TRIP12: variants seen among roughly 807,000 people sequenced by gnomAD.
TRIP12 encodes E3 ubiquitin-protein ligase TRIP12.
In TRIP12, 25 loss-of-function variants were observed where a neutral mutation model predicts 244.2. The observed-to-expected ratio is 0.10, with a 90% CI of 0.07 to 0.14. TRIP12 has a LOEUF of 0.14. TRIP12 is among the 10% of genes least tolerant of loss of function. The pLI is 1.00. For synonymous variants in TRIP12, 905 were observed against 873.1 expected (o/e 1.04, Z -0.64); for missense variants, 1,677 against 2,486.4 (o/e 0.67, Z 6.92).
At chr2:229,865,294 T>C (rs911100195) in intron 2 of TRIP12, among the ~76,000 whole-genome samples, 11 of 125,206 alleles carry the variant, frequency 8.8e-5, no homozygotes, top group African/African-American at 2.6e-4. Context: ...GCCTGGGCAA[T>C]AGAGTGAGAT....
chr2:229,858,687 A>C (rs972066429), intron 4 of TRIP12, 85 bp downstream of exon 4: 15 of 1,215,598 alleles, frequency 1.2e-5, no homozygotes, highest in Middle Eastern at 2.9e-4. Context: ...GGGGGAAAAA[A>C]CCCTTAACTT....
chr2:229,909,556 C>CT (rs2073839186), intron 1 of TRIP12, among the ~76,000 whole-genome samples: 1 of 136,066 alleles, frequency 7.3e-6, no homozygotes, highest in African/African-American at 2.8e-5. Flanking sequence ...GAGACCTTGT[C>CT]TAAAAAAAAA....
At chr2:229,878,358 G>A (rs1175523322) in intron 2 of TRIP12, among the ~76,000 whole-genome samples, 2 of 151,458 alleles carry the variant, frequency 1.3e-5, no homozygotes, top group African/African-American at 2.4e-5. Context: ...GCTGAGGCAG[G>A]AGAATCGCTT....
At chr2:229,771,662 G>C (rs373424956) in intron 38 of TRIP12, 30 bp from the exon 39 acceptor site, 13 of 1,539,756 alleles carry the variant, frequency 8.4e-6, no homozygotes, top group Non-Finnish European at 1.1e-5. Flanking sequence ...AAAAAACTGT[G>C]ACAAGATTTC....
chr2:229,893,141 A>G (rs956507969), intron 1 of TRIP12, among the ~76,000 whole-genome samples: 3 of 152,234 alleles, frequency 2.0e-5, no homozygotes, highest in African/African-American at 7.2e-5. Context: ...TCTACAATGA[A>G]AAGTTTTACA....
At position 229,778,622 on chromosome 2, in the gene TRIP12, T is replaced by C. The variant is rs780084930; in HGVS notation, c.5210-35A>G. On this transcript the variant is annotated intron_variant, in intron 35 of 41. Transcript: ENST00000675903. This position sits in a 1 kb window ranked among gnomAD's most constrained non-coding sequence, Gnocchi z 4.1. Reference sequence around the variant, plus strand: ...AAGCAATGCAGCAAACTTCAGATGATGTTTCCAAAAACAAAACAAAACCTG... The same window carrying C: ...AAGCAATGCAGCAAACTTCAGATGACGTTTCCAAAAACAAAACAAAACCTG... 2.5e-5 allele frequency: 40 copies of C among 1,586,606 alleles called. No individual in the cohort carries two copies. The highest frequency in any genetic ancestry group is 3.8e-5 in the Admixed American group (2 of 53,234).
At chr2:229,866,900 G>A (rs2061588376) in intron 2 of TRIP12, among the ~76,000 whole-genome samples, 1 of 152,098 alleles carries the variant, frequency 6.6e-6, no homozygotes, top group Non-Finnish European at 1.5e-5. Flanking sequence ...TACAGGCAAA[G>A]GCAGAGGCAG....
intron 1 of TRIP12, among the ~76,000 whole-genome samples, chr2:229,917,956 C>T (rs528732730): frequency 2.6e-5 from 4 of 152,202 alleles, no homozygotes; most frequent in Admixed American, 1.3e-4. Flanking sequence ...TCCAGTGCCA[C>T]CTCACCCAGA....
intron 21 of TRIP12, among the ~76,000 whole-genome samples, chr2:229,799,901 G>A (rs74001430): frequency 0.054 from 8,287 of 152,222 alleles, 765 homozygotes; most frequent in African/African-American, 0.19. Flanking sequence ...ATAACTAGCT[G>A]TTTAACTATA....
chr2:229,921,004 G>T (rs1162160440), intron 1 of TRIP12, among the ~76,000 whole-genome samples: 1 of 151,946 alleles, frequency 6.6e-6, no homozygotes, highest in Non-Finnish European at 1.5e-5. Flanking sequence ...AATACGATTG[G>T]GGTGACAATT....
chr2:229,873,570 A>G (rs1450555054), intron 2 of TRIP12, among the ~76,000 whole-genome samples: 1 of 152,218 alleles, frequency 6.6e-6, no homozygotes, highest in Admixed American at 6.5e-5. Flanking sequence ...GTGATCTGCC[A>G]AAGTGTACAG....
At chr2:229,882,493 TC>T (rs901481475) in intron 1 of TRIP12, among the ~76,000 whole-genome samples, 1 of 152,166 alleles carries the variant, frequency 6.6e-6, no homozygotes, top group African/African-American at 2.4e-5. Context: ...AAAAGAGCTT[TC>T]CTGGGTATAC....
rs2064492059 is a variant in TRIP12 at position 229,879,989 on chromosome 2, C to T, written c.91G>A (p.Gly31Arg). 2 of 1,614,092 alleles carry T rather than the reference C, an allele frequency of 1.2e-6. No individual in the cohort carries two copies. Among genetic ancestry groups the T allele is most frequent in the East Asian group, 2.2e-5 (1 of 44,886 alleles). Residue 31 changes from glycine (G) to arginine (R), a missense_variant, in exon 2 of 42, where the codon GGA becomes AGA. Around this residue, in one of 11 missense-constraint regions of TRIP12, gnomAD observed 387 missense variants for 392.6 expected, o/e 0.99. Coordinates refer to ENST00000675903, the MANE Select transcript of TRIP12 (RefSeq NM_001348323.3). ...AGAQPQDDSI[G>R]GRSHLGQAKH... ...TTACCATGAAATACATACCTTCCTC[C>T]TATTGAGTCGTCTTGTGGTTGGGCC... is the stretch of plus-strand genomic sequence containing the variant.
At chr2:229,776,669 C>A (rs2036350751) in intron 37 of TRIP12, among the ~76,000 whole-genome samples, 1 of 152,122 alleles carries the variant, frequency 6.6e-6, no homozygotes, top group Admixed American at 6.5e-5. Flanking sequence ...GTCCATGTTA[C>A]CAGCCCAAAC....
intron 1 of TRIP12, among the ~76,000 whole-genome samples, chr2:229,902,802 A>C (rs2071363261): frequency 6.6e-6 from 1 of 152,218 alleles, no homozygotes; most frequent in African/African-American, 2.4e-5. Flanking sequence ...CTTTCAAATG[A>C]AACAGAGAAA....
At chr2:229,860,578 C>T (rs1210706409) in intron 2 of TRIP12, 47 bp from the exon 3 acceptor site, 1 of 1,530,702 alleles carries the variant, frequency 6.5e-7, no homozygotes, top group Non-Finnish European at 8.8e-7. Flanking sequence ...AACTGAGATG[C>T]AAATACAATA....
intron 27 of TRIP12, 116 bp from the exon 28 acceptor site, chr2:229,792,342 C>T: frequency 9.9e-7 from 1 of 1,009,072 alleles, no homozygotes; most frequent in Non-Finnish European, 1.5e-6. Flanking sequence ...TTGAGTATCC[C>T]TTATCTGAAA....
intron 20 of TRIP12, 91 bp from the exon 21 acceptor site, chr2:229,802,550 A>G: frequency 1.1e-6 from 1 of 900,402 alleles, no homozygotes; most frequent in Non-Finnish European, 1.6e-6. Context: ...ACCAACACTG[A>G]CATAATACAC....
At chr2:229,843,817 G>A (rs1285578187) in intron 4 of TRIP12, among the ~76,000 whole-genome samples, 4 of 152,074 alleles carry the variant, frequency 2.6e-5, no homozygotes, top group East Asian at 1.9e-4. Flanking sequence ...CTTAAGCCCA[G>A]GAGTCCAAGG....
Sources: gnomAD v4.1 joint callset for allele counts (sites outside exome capture counted in the v4.1 genomes callset) on GRCh38, gnomAD v4.1.1 for gene constraint, gnomAD v4.1.1 regional missense constraint, Gnocchi (gnomAD v3.1) non-coding constraint, MANE v1.5 for transcripts, NCBI Gene and HGNC (gene_info 2026-07-23, HGNC 2026-07-21) for gene names.